Variants in RETREG1 observed in about 807,000 individuals in gnomAD.
RETREG1 encodes the protein family with sequence similarity 134 member B.
In RETREG1, 44 loss-of-function variants were observed where a neutral mutation model predicts 54.8. The observed-to-expected ratio is 0.80, with a 90% confidence interval of 0.63 to 1.03. RETREG1 has a LOEUF of 1.03. RETREG1 is among the 50% of genes least tolerant of loss of function. The pLI is 0.00. For synonymous variants in RETREG1, 217 were observed against 238.5 expected, an observed-to-expected ratio of 0.91 and a Z score of 0.83; for missense variants, 554 against 605.1, an observed-to-expected ratio of 0.92 and a Z score of 0.89.
chr5:16,508,646 G>T, intron 3 of RETREG1: 1 of 1,613,894 alleles, frequency 6.2e-7, no homozygotes, highest in South Asian at 1.1e-5. Context: ...AGTGGCAAAG[G>T]CTGCAGCACC....
chr5:16,586,187 T>C (rs902461661), intron 1 of RETREG1, among the ~76,000 whole-genome samples: 1 of 152,042 alleles, frequency 6.6e-6, no homozygotes, highest in African/African-American at 2.4e-5. Flanking sequence ...AGAAATAAAC[T>C]CATGAAGGTC....
intron 3 of RETREG1, among the ~76,000 whole-genome samples, chr5:16,509,851 G>A (rs375026135): frequency 3.3e-5 from 5 of 151,788 alleles, no homozygotes; most frequent in Admixed American, 1.3e-4. Flanking sequence ...AAAATTAGCC[G>A]GGCCTGATGG....
At chr5:16,572,269 GT>G (rs551050995) in intron 1 of RETREG1, among the ~76,000 whole-genome samples, 167 bp from the exon 2 acceptor site, 2 of 149,648 alleles carry the variant, frequency 1.3e-5, no homozygotes, top group South Asian at 4.2e-4. Context: ...CTGGAGTGCA[GT>G]GGCACTACCT....
intron 3 of RETREG1, among the ~76,000 whole-genome samples, chr5:16,501,603 T>A (rs192954111): frequency 6.6e-6 from 1 of 151,860 alleles, no homozygotes; most frequent in African/African-American, 2.4e-5. Context: ...AGTGCAGTGG[T>A]ATGATCTCGG....
chr5:16,572,018 A>G lies in RETREG1; in HGVS notation c.405T>C (p.Asp135=). The G allele has an allele frequency of 6.2e-7, 1 of 1,612,992 alleles. No individual in the cohort carries two copies. The highest frequency in any genetic ancestry group is 1.1e-5 in the South Asian group (1 of 91,070). Residue 135 remains aspartate (D), a synonymous_variant, in exon 2 of 9, where the codon GAT becomes GAC. Transcript: ENST00000306320. Reference sequence around the variant, plus strand: ...TACCTCTTGTTCTAGACAAAACCATATCCTTTATTATTTGCATAATAACAC... The same window carrying G: ...TACCTCTTGTTCTAGACAAAACCATGTCCTTTATTATTTGCATAATAACAC... ...LGRVIMQIIK[D]MVLSRTRGAQ...
intron 3 of RETREG1, among the ~76,000 whole-genome samples, chr5:16,565,416 C>T (rs1234032064): frequency 3.3e-5 from 5 of 152,128 alleles, no homozygotes; most frequent in African/African-American, 1.2e-4. Context: ...TGCATGCAGC[C>T]CTGTTCTCCC....
At chr5:16,492,229 T>TCTCTCTCTCTCTCACACACA (rs1406702350) in intron 3 of RETREG1, among the ~76,000 whole-genome samples, 3 of 110,640 alleles carry the variant, frequency 2.7e-5, no homozygotes, top group African/African-American at 9.3e-5. Context: ...TCTCTCTCTC[T>TCTCTCTCTCTCTCACACACA]CACACACACA....
At chr5:16,520,117 C>T (rs557027117) in intron 3 of RETREG1, among the ~76,000 whole-genome samples, 19 of 152,042 alleles carry the variant, frequency 1.2e-4, no homozygotes, top group Admixed American at 2.0e-4. Context: ...CAGGCCAGCC[C>T]GGTGGGAGAG....
intron 3 of RETREG1, among the ~76,000 whole-genome samples, chr5:16,505,837 T>G (rs1739931703): frequency 6.6e-6 from 1 of 152,216 alleles, no homozygotes; most frequent in Non-Finnish European, 1.5e-5. Context: ...CCCCCATTGT[T>G]CTTTCCTTCT....
intron 3 of RETREG1, among the ~76,000 whole-genome samples, chr5:16,548,365 A>G (rs771144732): frequency 1.1e-4 from 16 of 152,164 alleles, no homozygotes; most frequent in Non-Finnish European, 2.2e-4. Context: ...TGTCCATGAG[A>G]ATAACACACT....
chr5:16,609,633 C>T (rs1332609084), intron 1 of RETREG1, among the ~76,000 whole-genome samples: 1 of 152,110 alleles, frequency 6.6e-6, no homozygotes, highest in African/African-American at 2.4e-5. Context: ...AACTGAAGCC[C>T]GGCCAGAAGG....
rs990081107 is a variant in RETREG1 at position 16,572,162 on chromosome 5, T to C, written c.321-60A>G. On this transcript the variant is annotated intron_variant, in intron 1 of 8. Transcript: ENST00000306320. ...TGAGGATTTTTAACCTTTTCAAAAT[T>C]GGGTTTACTTCCTGCCACAGAAACA... 2.4e-6 allele frequency: 3 copies of C among 1,244,824 alleles called. No homozygotes were observed. The African/African-American group carries it at 4.5e-5, about 18-fold the overall frequency. The allele number at this position is 1,244,824 out of a possible 1,614,324, so 77.1% of individuals were successfully genotyped here. A position where few individuals can be genotyped will look rare whatever the true frequency, so the allele number is the denominator to read the frequency against.
chr5:16,496,087 C>T (rs1451431165), intron 3 of RETREG1, among the ~76,000 whole-genome samples: 2 of 152,162 alleles, frequency 1.3e-5, no homozygotes, highest in African/African-American at 4.8e-5. Flanking sequence ...AATTTTTCTG[C>T]TCATCCCCCC....
chr5:16,615,305 C>T (rs4702154), intron 1 of RETREG1, among the ~76,000 whole-genome samples: 45,528 of 147,732 alleles, frequency 0.31, 7,513 homozygotes, highest in South Asian at 0.42. Context: ...GAGGCTGAGG[C>T]AGGAGAATGG....
chr5:16,522,714 T>A (rs1225005178), intron 3 of RETREG1, among the ~76,000 whole-genome samples: 1 of 152,122 alleles, frequency 6.6e-6, no homozygotes, highest in East Asian at 1.9e-4. Context: ...TTTTTTGAAA[T>A]AATATTGGGG....
chr5:16,496,633 G>A (rs1739469980), intron 3 of RETREG1, among the ~76,000 whole-genome samples: 1 of 152,118 alleles, frequency 6.6e-6, no homozygotes, highest in African/African-American at 2.4e-5. Context: ...AAAAAAGAAA[G>A]GGAAGCTGGG....
At chr5:16,518,206 A>T (rs916996889) in intron 3 of RETREG1, among the ~76,000 whole-genome samples, 1 of 148,096 alleles carries the variant, frequency 6.8e-6, no homozygotes, top group African/African-American at 2.4e-5. Context: ...AATGTAATAT[A>T]TGTAAATATA....
intron 1 of RETREG1, among the ~76,000 whole-genome samples, chr5:16,584,398 A>G (rs549769973): frequency 1.1e-4 from 16 of 152,358 alleles, no homozygotes; most frequent in Non-Finnish European, 1.8e-4. Context: ...TGTTCATTAA[A>G]TATTGAATAA....
chr5:16,535,352 G>T (rs1469338435), intron 3 of RETREG1, among the ~76,000 whole-genome samples: 1 of 152,100 alleles, frequency 6.6e-6, no homozygotes, highest in Non-Finnish European at 1.5e-5. Context: ...TCACAAAGTG[G>T]GAGCTGGAGC....
Sources: allele counts gnomAD v4.1 joint callset (sites outside exome capture counted in the v4.1 genomes callset), GRCh38; gene constraint gnomAD v4.1.1; transcripts MANE v1.5; gene names NCBI Gene and HGNC (gene_info 2026-07-23, HGNC 2026-07-21).